HAGH: variants seen among roughly 807,000 people sequenced by gnomAD.
HAGH encodes hydroxyacylglutathione hydrolase, mitochondrial.
HAGH carries 29 observed loss-of-function variants against 35.1 expected under a neutral mutation model. The ratio of observed to expected loss-of-function variants is 0.83; its 90% CI spans 0.62 to 1.13. The LOEUF (loss-of-function observed/expected upper bound fraction) is 1.13, where lower values mean the gene tolerates loss of function less well. Among genes scored for constraint, HAGH ranks in the 50% most tolerant of loss-of-function variants. The pLI is 0.00. For synonymous variants in HAGH, 225 were observed against 176.1 expected (o/e 1.28, Z -2.20); for missense variants, 478 against 419.6 (o/e 1.14, Z -1.22).
chr16:1,817,190 A>G lies in HAGH; in HGVS notation c.623T>C (p.Leu208Ser), dbSNP rs1352071614. Reference protein sequence around the residue: ...DEMCKALLEVLGRLPPDTRVY... With the variant: ...DEMCKALLEVSGRLPPDTRVY... ...TACTGTGTCCGGGGGGAGCCGGCCCAAGACCTCCAGCAGAGCTTTACACAT... is the reference window on the plus strand; with the variant it reads ...TACTGTGTCCGGGGGGAGCCGGCCCGAGACCTCCAGCAGAGCTTTACACAT... Residue 208 changes from leucine (L) to serine (S), a missense_variant, in exon 6 of 9, where the codon TTG becomes TCG. Physicochemically the swap from Leu to Ser is moderately radical, Grantham distance 145. Transcript: ENST00000397356. 1.7e-5 allele frequency: 27 copies of G among 1,611,832 alleles called. No individual in the cohort carries two copies. Among genetic ancestry groups the G allele is most frequent in the Non-Finnish European group, 2.3e-5 (27 of 1,177,956 alleles).
chr16:1,824,826 C>T (rs1898323406), intron 1 of HAGH, among the ~76,000 whole-genome samples: 1 of 152,144 alleles, frequency 6.6e-6, no homozygotes, highest in African/African-American at 2.4e-5. Flanking sequence ...ACAATAATAC[C>T]AAGATTTCTA....
At chr16:1,825,964 C>T (rs1240164401) in intron 1 of HAGH, among the ~76,000 whole-genome samples, 1 of 152,238 alleles carries the variant, frequency 6.6e-6, no homozygotes, top group East Asian at 1.9e-4. Flanking sequence ...ATGGGGTACG[C>T]ACGCCCTGCC....
chr16:1,826,189 G>C (rs1460545725), intron 1 of HAGH, among the ~76,000 whole-genome samples: 1 of 152,012 alleles, frequency 6.6e-6, no homozygotes, highest in Non-Finnish European at 1.5e-5. Context: ...CTGCGCACCC[G>C]CCCGGGGCGC....
At chr16:1,816,843 G>T in intron 7 of HAGH, 50 bp downstream of exon 7, 1 of 1,147,468 alleles carries the variant, frequency 8.7e-7, no homozygotes, top group Non-Finnish European at 1.3e-6. Flanking sequence ...TGTGCACAGC[G>T]GCCCTGAGCA....
chr16:1,810,033 C>A, intron 7 of HAGH, 200 bp from the exon 8 acceptor site: 1 of 578,972 alleles, frequency 1.7e-6, no homozygotes, highest in Non-Finnish European at 3.1e-6. Context: ...GGCATGGTGG[C>A]AGGCACCTGT....
chr16:1,821,960 T>G lies in HAGH; in HGVS notation c.314+340A>C, dbSNP rs200305090. ...TTTTTTTTTGTTTTTTTGTTTTTTT[T>G]TTTTTTAAAAACCACTCACCTGTAG... is the stretch of plus-strand genomic sequence containing the variant. On this transcript the variant is annotated intron_variant, in intron 3 of 8. Transcript: ENST00000397356. 293 of 213,096 alleles carry G rather than the reference T, an allele frequency of 1.4e-3. 19 individuals are homozygous for G. In the East Asian group the frequency reaches 0.021, roughly 15 times the overall value. 13.2% of individuals were successfully genotyped at this position (213,096 alleles called of 1,614,324 possible). A position where few individuals can be genotyped will look rare whatever the true frequency, so the allele number is the denominator to read the frequency against.
At chr16:1,815,929 AG>A in intron 7 of HAGH, among the ~76,000 whole-genome samples, 1 of 135,370 alleles carries the variant, frequency 7.4e-6, no homozygotes, top group Admixed American at 7.4e-5. Flanking sequence ...TGAGGCAGGG[AG>A]AATTTTTTTT....
At chr16:1,814,034 A>C (rs1285876024) in intron 7 of HAGH, among the ~76,000 whole-genome samples, 1 of 152,224 alleles carries the variant, frequency 6.6e-6, no homozygotes, top group Admixed American at 6.5e-5. Context: ...CACCACACAC[A>C]AACACCATCT....
At chr16:1,817,562 T>C (rs73485902) in intron 5 of HAGH, among the ~76,000 whole-genome samples, 14,038 of 152,082 alleles carry the variant, frequency 0.092, 796 homozygotes, top group African/African-American at 0.16. Flanking sequence ...CCCTCACAAA[T>C]CCAGCCCTCT....
chr16:1,814,423 G>T (rs2142032662), intron 7 of HAGH, among the ~76,000 whole-genome samples: 1 of 150,870 alleles, frequency 6.6e-6, no homozygotes, highest in African/African-American at 2.4e-5. Flanking sequence ...GCGGTGAGCT[G>T]AGATCGCGCC....
chr16:1,814,925 G>GTA (rs200327289), intron 7 of HAGH, among the ~76,000 whole-genome samples: 20 of 97,170 alleles, frequency 2.1e-4, no homozygotes, highest in East Asian at 1.2e-3. Flanking sequence ...ATATATATAT[G>GTA]TATATACACA....
At chr16:1,809,465 C>G (rs758599116) in intron 8 of HAGH, 83 bp from the exon 9 acceptor site, 2 of 1,165,566 alleles carry the variant, frequency 1.7e-6, no homozygotes, top group Non-Finnish European at 2.5e-6. Context: ...GAAGGCGACT[C>G]GTGCTGGCCG....
upstream of HAGH, chr16:1,826,987 T>TGGGAGC (rs1407721075): frequency 1.7e-5 from 11 of 638,254 alleles, no homozygotes; most frequent in African/African-American, 1.9e-4. Flanking sequence ...GAGACGGGCC[T>TGGGAGC]GGGAGCGGCG....
intron 3 of HAGH, chr16:1,821,970 AAC>A: frequency 4.1e-6 from 1 of 246,700 alleles, no homozygotes; most frequent in Non-Finnish European, 7.7e-6. Flanking sequence ...TTTTTTTAAA[AAC>A]CACTCACCTG....
rs754515094 is a variant in HAGH, at chr16:1,822,860, C to G, written c.249+5G>C. On this transcript the variant is annotated splice_donor_5th_base_variant and intron_variant, in intron 2 of 8. Coordinates refer to ENST00000397356, the MANE Select transcript of HAGH (RefSeq NM_005326.6). ...GCAGGGAGAGCCAGGCACAGCCATG[C>G]GCACCTTCTGGGGCTGCACCGGATC... The G allele has an allele frequency of 1.1e-5, 17 of 1,612,048 alleles. No homozygotes were observed. The highest frequency in any genetic ancestry group is 1.4e-5 in the Non-Finnish European group (17 of 1,178,748).
At chr16:1,826,856 A>C, upstream of HAGH, 1 of 990,172 alleles carries the variant, frequency 1.0e-6, no homozygotes, top group Non-Finnish European at 1.3e-6. Flanking sequence ...CGTCGCAGCC[A>C]ATCAGCGCCC....
At chr16:1,815,691 T>A (rs1897857838) in intron 7 of HAGH, among the ~76,000 whole-genome samples, 1 of 152,084 alleles carries the variant, frequency 6.6e-6, no homozygotes, top group Non-Finnish European at 1.5e-5. Flanking sequence ...GCAAACATCA[T>A]CAACATTCCT....
chr16:1,812,996 A>C (rs552133715), intron 7 of HAGH, among the ~76,000 whole-genome samples: 1 of 152,330 alleles, frequency 6.6e-6, no homozygotes, highest in South Asian at 2.1e-4. Context: ...AGTTTCTTTA[A>C]AAGTCAAACA....
Position 1,808,978 on chromosome 16 carries a change from G to A in HAGH, c.*305C>T, listed in dbSNP as rs1567249143. On this transcript the variant is annotated 3_prime_UTR_variant, in exon 9 of 9. Transcript: ENST00000397356. Reference sequence around the variant, plus strand: ...AGCACCCAGCCAAGGCCACAGCAAAGGCACCGGCTCACGCCTGACCTGAAG... The same window carrying A: ...AGCACCCAGCCAAGGCCACAGCAAAAGCACCGGCTCACGCCTGACCTGAAG... The A allele has an allele frequency of 5.5e-6, 2 of 364,644 alleles. No individual in the cohort carries two copies. Among genetic ancestry groups the A allele is most frequent in the Admixed American group, 4.1e-5 (1 of 24,386 alleles). The allele number at this position is 364,644 out of a possible 1,614,324, so 22.6% of individuals were successfully genotyped here. A position where few individuals can be genotyped will look rare whatever the true frequency, so the allele number is the denominator to read the frequency against.
Sources: allele counts gnomAD v4.1 joint callset (sites outside exome capture counted in the v4.1 genomes callset), GRCh38; gene constraint gnomAD v4.1.1; transcripts MANE v1.5; gene names NCBI Gene and HGNC (gene_info 2026-07-23, HGNC 2026-07-21).